UNC13C: variants seen among roughly 807,000 people sequenced by gnomAD.
The protein encoded by UNC13C is protein unc-13 homolog C.
UNC13C carries 174 observed loss-of-function variants against 245.4 expected under a neutral mutation model. The ratio of observed to expected loss-of-function variants is 0.71; its 90% CI spans 0.63 to 0.80. The LOEUF (loss-of-function observed/expected upper bound fraction) is 0.80. UNC13C is among the 30% of genes least tolerant of loss of function. The probability of loss-of-function intolerance (pLI) is 0.00; values close to 1 mark genes in which losing one functional copy is unlikely to be tolerated. For missense variants in UNC13C, 2,829 were observed against 2,602.9 expected (o/e 1.09, Z -1.89); for synonymous variants, 992 against 895.1 (o/e 1.11, Z -1.93).
chr15:54,063,341 G>A (rs933165512), intron 2 of UNC13C, among the ~76,000 whole-genome samples: 2 of 152,120 alleles, frequency 1.3e-5, no homozygotes, highest in African/African-American at 4.8e-5. Context: ...GGTGGGGAAG[G>A]GGGCGATAGG....
chr15:53,895,268 G>A, the UNC13C span, among the ~76,000 whole-genome samples: 1 of 143,482 alleles, frequency 7.0e-6, no homozygotes, highest in African/African-American at 2.6e-5. Flanking sequence ...AGATGCTGAG[G>A]AAGGAGAATA....
At chr15:54,616,979 A>C (rs1179794895) in intron 30 of UNC13C, among the ~76,000 whole-genome samples, 1 of 152,196 alleles carries the variant, frequency 6.6e-6, no homozygotes, top group Non-Finnish European at 1.5e-5. Context: ...AACTGCTTAC[A>C]CTATTCAGTA....
chr15:54,183,771 A>C (rs1276975116), intron 4 of UNC13C, among the ~76,000 whole-genome samples: 2 of 151,980 alleles, frequency 1.3e-5, no homozygotes, highest in South Asian at 2.1e-4. Context: ...AAAAAAAAAA[A>C]AAACATGGGA....
At chr15:53,939,805 G>C in the UNC13C span, among the ~76,000 whole-genome samples, 1 of 123,468 alleles carries the variant, frequency 8.1e-6, no homozygotes, top group Non-Finnish European at 1.9e-5. Context: ...TCAGCCAAGA[G>C]AAAGGACGAG....
chr15:54,411,376 G>T (rs1263874545), intron 18 of UNC13C, among the ~76,000 whole-genome samples: 3 of 151,906 alleles, frequency 2.0e-5, no homozygotes, highest in Non-Finnish European at 4.4e-5. Context: ...TATTTTATGG[G>T]TTTACACCTT....
At chr15:54,448,429 A>C (rs1016069805) in intron 19 of UNC13C, among the ~76,000 whole-genome samples, 1 of 152,132 alleles carries the variant, frequency 6.6e-6, no homozygotes, top group Non-Finnish European at 1.5e-5. Context: ...GTAGGTCCCT[A>C]AGGACTTCCT....
chr15:54,570,426 A>G (rs1443380818), intron 30 of UNC13C, among the ~76,000 whole-genome samples: 1 of 152,044 alleles, frequency 6.6e-6, no homozygotes. Context: ...CCACCCTGCC[A>G]TTTCTCTAAA....
At chr15:54,392,503 T>C (rs1387449501) in intron 17 of UNC13C, among the ~76,000 whole-genome samples, 1 of 152,046 alleles carries the variant, frequency 6.6e-6, no homozygotes, top group Non-Finnish European at 1.5e-5. Flanking sequence ...TCAATTAATG[T>C]TGCATATATA....
At chr15:54,206,680 T>TA (rs2034723086) in intron 4 of UNC13C, among the ~76,000 whole-genome samples, 1 of 152,064 alleles carries the variant, frequency 6.6e-6, no homozygotes, top group Non-Finnish European at 1.5e-5. Flanking sequence ...TAAATTGTAT[T>TA]AAAGATATTT....
Position 54,182,421 on chromosome 15 carries a change from T to C in UNC13C, c.3071+38737T>C, listed in dbSNP as rs569725408. Among the ~76,000 whole-genome samples the C allele has an allele frequency of 3.9e-5, 6 of 152,178 alleles. No homozygotes were observed. The East Asian group carries it at 9.7e-4, about 24-fold the overall frequency. On this transcript the variant is annotated intron_variant, in intron 4 of 32. Coordinates refer to ENST00000260323, the MANE Select transcript of UNC13C (RefSeq NM_001080534.3). ...GGTGAATTAACTTTTTGATATGCTG[T>C]TAAATTCAGTTTGTTAGTATTTTGT...
intron 24 of UNC13C, among the ~76,000 whole-genome samples, chr15:54,521,051 G>T (rs1895195346): frequency 6.6e-6 from 1 of 152,142 alleles, no homozygotes; most frequent in Admixed American, 6.6e-5. Context: ...AATGAAAAGG[G>T]AAAGAGATAA....
intron 2 of UNC13C, among the ~76,000 whole-genome samples, chr15:54,043,645 C>T (rs939609396): frequency 1.3e-5 from 2 of 152,164 alleles, no homozygotes; most frequent in Non-Finnish European, 2.9e-5. Flanking sequence ...CTACTCTTGC[C>T]ACAATTTCTA....
chr15:54,553,323 A>G (rs1206638387), intron 28 of UNC13C, among the ~76,000 whole-genome samples: 2 of 119,614 alleles, frequency 1.7e-5, no homozygotes, highest in Admixed American at 1.0e-4. Flanking sequence ...AGAATATTAT[A>G]TATAATATAT....
At chr15:54,519,807 A>G (rs1477918924) in intron 24 of UNC13C, among the ~76,000 whole-genome samples, 2 of 152,150 alleles carry the variant, frequency 1.3e-5, no homozygotes, top group Non-Finnish European at 2.9e-5. Context: ...CTGACACCAC[A>G]GGCTTATGAA....
intron 17 of UNC13C, among the ~76,000 whole-genome samples, chr15:54,372,083 G>A (rs987939674): frequency 2.0e-5 from 3 of 152,028 alleles, no homozygotes; most frequent in Admixed American, 6.6e-5. Flanking sequence ...AGCTAAGAGA[G>A]TAGATTTTAA....
At chr15:54,062,826 T>G (rs1897904877) in intron 2 of UNC13C, among the ~76,000 whole-genome samples, 3 of 152,220 alleles carry the variant, frequency 2.0e-5, no homozygotes, top group African/African-American at 7.2e-5. Flanking sequence ...ATGTAATAAT[T>G]GACCGCTGCA....
chr15:54,107,904 T>A (rs1900527854), intron 2 of UNC13C, among the ~76,000 whole-genome samples: 1 of 152,102 alleles, frequency 6.6e-6, no homozygotes, highest in African/African-American at 2.4e-5. Context: ...ATGAGTTGAG[T>A]CTTGAGAGGA....
At chr15:54,570,091 A>G (rs1566915524) in intron 30 of UNC13C, among the ~76,000 whole-genome samples, 1 of 152,090 alleles carries the variant, frequency 6.6e-6, no homozygotes, top group Non-Finnish European at 1.5e-5. Context: ...AGAGGCCCTC[A>G]ATGCTTCCTA....
At chr15:54,549,532 C>G in intron 27 of UNC13C, 103 bp from the exon 28 acceptor site, 1 of 899,068 alleles carries the variant, frequency 1.1e-6, no homozygotes, top group Non-Finnish European at 1.7e-6. Context: ...AGCCATAAGT[C>G]TTATAAGGGA....
Sources: allele counts gnomAD v4.1 joint callset (sites outside exome capture counted in the v4.1 genomes callset), GRCh38; gene constraint gnomAD v4.1.1; transcripts MANE v1.5; gene names NCBI Gene and HGNC (gene_info 2026-07-23, HGNC 2026-07-21).